Variants in P3H2 observed in about 807,000 individuals in gnomAD.
The protein encoded by P3H2 is prolyl 3-hydroxylase 2, also known as leprecan-like 1.
P3H2 carries 80 observed loss-of-function variants against 87.0 expected under a neutral mutation model. The observed-to-expected ratio is 0.92, with a 90% confidence interval of 0.77 to 1.11. The LOEUF (loss-of-function observed/expected upper bound fraction) is 1.11, where lower values mean the gene tolerates loss of function less well. Ranked by LOEUF, P3H2 falls within the 50% of genes least tolerant of loss-of-function variation. The probability of loss-of-function intolerance (pLI) is 0.00; values close to 1 mark genes in which losing one functional copy is unlikely to be tolerated. For synonymous variants in P3H2, 367 were observed against 359.3 expected, an observed-to-expected ratio of 1.02 and a Z score of -0.24; for missense variants, 1,001 against 923.9, an observed-to-expected ratio of 1.08 and a Z score of -1.08.
intron 12 of P3H2, among the ~76,000 whole-genome samples, chr3:189,971,111 T>A (rs1723165502): frequency 6.6e-6 from 1 of 152,250 alleles, no homozygotes; most frequent in Admixed American, 6.5e-5. Flanking sequence ...ACTAAAATTG[T>A]AATCATATGT....
intron 1 of P3H2, among the ~76,000 whole-genome samples, chr3:190,009,188 AATACTAACATGGTAGTCTG>A (rs1439620611): frequency 3.2e-4 from 48 of 152,096 alleles, no homozygotes; most frequent in Non-Finnish European, 7.4e-5. Context: ...AAGAGCAAAG[AATACTAACATGGTAGTCTG>A]ATGCCAAAGT....
chr3:189,995,556 G>GGTTTTTTTT, intron 1 of P3H2, 114 bp from the exon 2 acceptor site: 4 of 839,762 alleles, frequency 4.8e-6, no homozygotes, highest in South Asian at 1.7e-5. Flanking sequence ...AGGAGCCTTG[G>GGTTTTTTTT]TTTTTTTTTT....
intron 11 of P3H2, among the ~76,000 whole-genome samples, chr3:189,972,289 G>T (rs1018977447): frequency 4.6e-5 from 7 of 152,248 alleles, no homozygotes; most frequent in Admixed American, 4.6e-4. Flanking sequence ...CGTTTCATGG[G>T]TTGTACTTCA....
chr3:189,957,899 T>A lies in P3H2; in HGVS notation c.*13A>T, dbSNP rs1029013715. ...ATTTAAATAAATATTTGATAGAACA[T>A]TCTTTCTCATTTTTATAGCTCATCT... On this transcript the variant is annotated 3_prime_UTR_variant, in exon 15 of 15. Coordinates refer to ENST00000319332, the MANE Select transcript of P3H2 (RefSeq NM_018192.4). The A allele has an allele frequency of 6.5e-7, 1 of 1,529,644 alleles. No individual in the cohort carries two copies. The highest frequency in any genetic ancestry group is 1.4e-5 in the African/African-American group (1 of 73,308). 94.8% of individuals were successfully genotyped at this position (1,529,644 alleles called of 1,614,324 possible). A position where few individuals can be genotyped will look rare whatever the true frequency, so the allele number is the denominator to read the frequency against.
At chr3:190,095,102 A>G (rs1727528039) in intron 1 of P3H2, among the ~76,000 whole-genome samples, 1 of 151,946 alleles carries the variant, frequency 6.6e-6, no homozygotes, top group Non-Finnish European at 1.5e-5. Context: ...TAAGAATTTT[A>G]TATGTATTAG....
At chr3:190,119,702 C>T (rs746946139) in intron 1 of P3H2, among the ~76,000 whole-genome samples, 4 of 152,156 alleles carry the variant, frequency 2.6e-5, no homozygotes, top group Non-Finnish European at 4.4e-5. Context: ...TTCTCTTTAA[C>T]CTTTGATCTT....
At chr3:190,058,762 G>C (rs1216656022) in intron 1 of P3H2, among the ~76,000 whole-genome samples, 1 of 152,124 alleles carries the variant, frequency 6.6e-6, no homozygotes, top group South Asian at 2.1e-4. Context: ...TGCGCAAAAG[G>C]TCACAGTGTT....
chr3:190,010,832 T>C (rs1724562484), intron 1 of P3H2, among the ~76,000 whole-genome samples: 2 of 152,178 alleles, frequency 1.3e-5, no homozygotes, highest in African/African-American at 2.4e-5. Context: ...TTAAACTCAT[T>C]TCTGTCTTAC....
chr3:190,108,168 T>C (rs1173414573), intron 1 of P3H2, among the ~76,000 whole-genome samples: 1 of 152,096 alleles, frequency 6.6e-6, no homozygotes, highest in Admixed American at 6.6e-5. Flanking sequence ...TTTTTCTTTT[T>C]TGAGACATGG....
In P3H2 at chr3:189,956,848, T is replaced by C. The variant is rs1722645288; in HGVS notation, c.*1064A>G. On this transcript the variant is annotated 3_prime_UTR_variant, in exon 15 of 15. Coordinates refer to ENST00000319332, the MANE Select transcript of P3H2 (RefSeq NM_018192.4). The stretch of plus-strand genomic sequence containing the variant: ...GATGACGGTTAAAATCAATCAGAAA[T>C]TTATTTTTCTTATGTAAGTACAAAA... 2.9e-6 allele frequency: 1 copy of C among 344,714 alleles called. No individual in the cohort carries two copies. The highest frequency in any genetic ancestry group is 5.2e-6 in the Non-Finnish European group (1 of 193,058). 21.4% of individuals were successfully genotyped at this position (344,714 alleles called of 1,614,324 possible). A position where few individuals can be genotyped will look rare whatever the true frequency, so the allele number is the denominator to read the frequency against.
intron 1 of P3H2, among the ~76,000 whole-genome samples, chr3:189,999,722 G>GCA (rs1724153340): frequency 6.6e-6 from 1 of 152,136 alleles, no homozygotes; most frequent in South Asian, 2.1e-4. Context: ...AAAATAAACT[G>GCA]TGAAATAAAG....
At chr3:190,101,997 T>C (rs954491354) in intron 1 of P3H2, among the ~76,000 whole-genome samples, 1 of 152,170 alleles carries the variant, frequency 6.6e-6, no homozygotes. Flanking sequence ...GCTCTATAAA[T>C]AGAATAACAA....
At chr3:189,986,756 T>C in intron 6 of P3H2, 32 bp downstream of exon 6, 1 of 1,422,284 alleles carries the variant, frequency 7.0e-7, no homozygotes, top group Non-Finnish European at 9.9e-7. Context: ...ACTGAATCAT[T>C]ATTTTAATAA....
chr3:190,078,680 T>A (rs1476324525), intron 1 of P3H2, among the ~76,000 whole-genome samples: 2 of 152,198 alleles, frequency 1.3e-5, no homozygotes, highest in South Asian at 4.1e-4. Flanking sequence ...AGTGTTATTA[T>A]CCTCACTCAT....
chr3:189,962,582 C>A (rs796428176), intron 14 of P3H2, among the ~76,000 whole-genome samples: 1 of 152,216 alleles, frequency 6.6e-6, no homozygotes, highest in Non-Finnish European at 1.5e-5. Context: ...CTTCTTACAG[C>A]GTATTTACTA....
At chr3:190,033,756 C>T (rs1725328773) in intron 1 of P3H2, among the ~76,000 whole-genome samples, 1 of 152,190 alleles carries the variant, frequency 6.6e-6, no homozygotes, top group Non-Finnish European at 1.5e-5. Flanking sequence ...TTTTAATCCC[C>T]ATGATTTAAG....
chr3:190,024,629 T>C (rs575278302), intron 1 of P3H2, among the ~76,000 whole-genome samples: 1 of 152,166 alleles, frequency 6.6e-6, no homozygotes, highest in East Asian at 1.9e-4. Context: ...TCATATGCAT[T>C]GATGGGGCTC....
chr3:190,116,959 T>C (rs1361900522), intron 1 of P3H2, among the ~76,000 whole-genome samples: 2 of 152,178 alleles, frequency 1.3e-5, no homozygotes, highest in African/African-American at 2.4e-5. Context: ...TCTGTTACCC[T>C]GCAAGACAAG....
At chr3:190,026,528 T>A (rs942758459) in intron 1 of P3H2, among the ~76,000 whole-genome samples, 7 of 152,156 alleles carry the variant, frequency 4.6e-5, no homozygotes, top group African/African-American at 1.7e-4. Context: ...AGTCTACAAA[T>A]GCCGTGACAA....
Sources: gnomAD v4.1 joint callset for allele counts (sites outside exome capture counted in the v4.1 genomes callset) on GRCh38, gnomAD v4.1.1 for gene constraint, MANE v1.5 for transcripts, NCBI Gene and HGNC (gene_info 2026-07-23, HGNC 2026-07-21) for gene names.